GNAZ: variants seen among roughly 807,000 people sequenced by gnomAD.
GNAZ encodes guanine nucleotide-binding protein G(z) subunit alpha.
GNAZ carries 3 observed loss-of-function variants against 25.4 expected under a neutral mutation model. The observed-to-expected ratio is 0.12, with a 90% CI of 0.05 to 0.30. The LOEUF is 0.30. GNAZ is among the 10% of genes least tolerant of loss of function. GNAZ has a pLI of 1.00. For missense variants in GNAZ, 241 were observed against 501.8 expected, an observed-to-expected ratio of 0.48 and a Z score of 4.97; for synonymous variants, 211 against 205.7, an observed-to-expected ratio of 1.03 and a Z score of -0.22.
At chr22:23,075,865 C>T (rs145799255) in intron 1 of GNAZ, among the ~76,000 whole-genome samples, 30 of 151,856 alleles carry the variant, frequency 2.0e-4, no homozygotes, top group Admixed American at 1.4e-3. Context: ...CTGTGAGTCA[C>T]GGAGGCCAAG....
chr22:23,101,640 C>G (rs1204152098), intron 2 of GNAZ, among the ~76,000 whole-genome samples: 2 of 152,246 alleles, frequency 1.3e-5, no homozygotes, highest in African/African-American at 4.8e-5. Flanking sequence ...ACACAGGTCT[C>G]CCAAGCAGTT....
At chr22:23,075,225 C>T (rs995523894) in intron 1 of GNAZ, among the ~76,000 whole-genome samples, 2 of 152,122 alleles carry the variant, frequency 1.3e-5, no homozygotes. Context: ...CCTGAGTGGG[C>T]GGGTGGGTTG....
chr22:23,087,794 T>A (rs929462467), intron 1 of GNAZ, among the ~76,000 whole-genome samples: 5 of 152,186 alleles, frequency 3.3e-5, no homozygotes, highest in Non-Finnish European at 7.3e-5. Flanking sequence ...TGAGCCAGTT[T>A]ATTGATCTGG....
intron 1 of GNAZ, among the ~76,000 whole-genome samples, chr22:23,091,949 C>T (rs893673352): frequency 6.6e-6 from 1 of 152,170 alleles, no homozygotes; most frequent in African/African-American, 2.4e-5. Context: ...CCCTAACACA[C>T]ATCCCCACAC....
At chr22:23,103,639 A>G (rs1569177635) in intron 2 of GNAZ, among the ~76,000 whole-genome samples, 3 of 152,190 alleles carry the variant, frequency 2.0e-5, no homozygotes, top group Non-Finnish European at 4.4e-5. Context: ...GCAACCTTGC[A>G]TTGGCTAACA....
At chr22:23,107,064 C>A (rs1413313755) in intron 2 of GNAZ, among the ~76,000 whole-genome samples, 1 of 152,272 alleles carries the variant, frequency 6.6e-6, no homozygotes, top group East Asian at 1.9e-4. Context: ...GCTTTTCAGG[C>A]CATTAGGGCC....
At chr22:23,107,107 T>A (rs1281578097) in intron 2 of GNAZ, among the ~76,000 whole-genome samples, 2 of 152,218 alleles carry the variant, frequency 1.3e-5, no homozygotes, top group African/African-American at 2.4e-5. Flanking sequence ...CCTGTTATCT[T>A]GTTTAAACAG....
At chr22:23,094,234 G>A (rs867339836) in intron 1 of GNAZ, among the ~76,000 whole-genome samples, 28 of 152,112 alleles carry the variant, frequency 1.8e-4, no homozygotes, top group Admixed American at 2.0e-4. Flanking sequence ...AGAGGGGTGC[G>A]TGTGAGTTGG....
Position 23,123,907 on chromosome 22 carries a change from G to A in GNAZ, c.*476G>A, listed in dbSNP as rs909548389. 3 of 215,366 alleles carry A rather than the reference G, an allele frequency of 1.4e-5. No homozygotes were observed. The highest frequency in any genetic ancestry group is 2.8e-5 in the Non-Finnish European group (3 of 106,364). The allele number at this position is 215,366 out of a possible 1,614,324, so 13.3% of individuals were successfully genotyped here. ...TAGGGACCTTGCCGCTGACCAAGAG[G>A]GAGGACCAGTGCAGGGTCTGTGCAC... On this transcript the variant is annotated 3_prime_UTR_variant, in exon 3 of 3. Transcript: ENST00000615612.
In GNAZ at chr22:23,095,992, C is replaced by G. The variant is rs1310716515; in HGVS notation, c.297C>G (p.Asp99Glu). 3 of 1,609,692 alleles carry G rather than the reference C, an allele frequency of 1.9e-6. No individual in the cohort carries two copies. The highest frequency in any genetic ancestry group is 1.7e-6 in the Non-Finnish European group (2 of 1,179,998). ...AALRIDFHNP[D>E]RAYDAVQLFA... ...TCAGGATCGACTTCCACAACCCCGA[C>G]CGCGCCTACGACGCTGTGCAGCTCT... The change falls in exon 2 of 3, where the codon GAC becomes GAG. Residue 99 changes from aspartate (D) to glutamate (E), a missense_variant. Transcript: ENST00000615612.
chr22:23,081,845 G>C (rs887738493), intron 1 of GNAZ, among the ~76,000 whole-genome samples: 1 of 130,576 alleles, frequency 7.7e-6, no homozygotes, highest in Admixed American at 7.9e-5. Flanking sequence ...AAAAAAAAAG[G>C]CCAGGCGCAG....
chr22:23,115,622 G>A (rs1168772542), intron 2 of GNAZ, among the ~76,000 whole-genome samples: 1 of 152,192 alleles, frequency 6.6e-6, no homozygotes, highest in Non-Finnish European at 1.5e-5. Context: ...ACACCTCAGT[G>A]ATGCCTCGGT....
intron 1 of GNAZ, among the ~76,000 whole-genome samples, chr22:23,077,336 A>T (rs1280336211): frequency 6.6e-6 from 1 of 151,832 alleles, no homozygotes; most frequent in Non-Finnish European, 1.5e-5. Flanking sequence ...TTGATGCCTC[A>T]CTCCCTGTAG....
chr22:23,103,509 G>A (rs1302808044), intron 2 of GNAZ, among the ~76,000 whole-genome samples: 1 of 152,168 alleles, frequency 6.6e-6, no homozygotes, highest in African/African-American at 2.4e-5. Flanking sequence ...TGGCCGCGTG[G>A]GTTGCATCTG....
chr22:23,108,246 G>A (rs575886635), intron 2 of GNAZ, among the ~76,000 whole-genome samples: 1 of 152,382 alleles, frequency 6.6e-6, no homozygotes, highest in Admixed American at 6.5e-5. Context: ...GCTGGGCAGA[G>A]CAGGGGAGAG....
chr22:23,097,433 A>C (rs1320695809), intron 2 of GNAZ, among the ~76,000 whole-genome samples: 2 of 152,180 alleles, frequency 1.3e-5, no homozygotes, highest in Admixed American at 1.3e-4. Context: ...TAGGAGCCTG[A>C]GTGTTCTGAG....
chr22:23,077,108 G>A (rs929827713), intron 1 of GNAZ, among the ~76,000 whole-genome samples: 3 of 152,088 alleles, frequency 2.0e-5, no homozygotes, highest in Admixed American at 6.5e-5. Flanking sequence ...TGTCTGCAGC[G>A]GGCACGGGAG....
At chr22:23,093,561 A>G (rs942160996) in intron 1 of GNAZ, among the ~76,000 whole-genome samples, 1 of 152,218 alleles carries the variant, frequency 6.6e-6, no homozygotes, top group Non-Finnish European at 1.5e-5. Context: ...TGACGCTCAC[A>G]GCGACAAGCA....
At chr22:23,097,006 T>A (rs965905039) in intron 2 of GNAZ, among the ~76,000 whole-genome samples, 5 of 152,118 alleles carry the variant, frequency 3.3e-5, no homozygotes, top group African/African-American at 9.7e-5. Flanking sequence ...AGCAGGGCAG[T>A]GTGCTGAGGC....
Sources: allele counts gnomAD v4.1 joint callset (sites outside exome capture counted in the v4.1 genomes callset), GRCh38; gene constraint gnomAD v4.1.1; transcripts MANE v1.5; gene names NCBI Gene and HGNC (gene_info 2026-07-23, HGNC 2026-07-21).